The following TEAD4 variants were observed in gnomAD, a reference collection of about 807,000 sequenced individuals.
TEAD4 encodes the protein transcriptional enhancer factor TEF-3.
Under a neutral mutation model 52.4 loss-of-function variants are expected in TEAD4, and 36 were observed. The observed-to-expected ratio is 0.69, with a 90% CI of 0.53 to 0.91. The LOEUF (loss-of-function observed/expected upper bound fraction) is 0.91. Ranked by LOEUF, TEAD4 falls within the 40% of genes least tolerant of loss-of-function variation. The pLI is 0.00. For synonymous variants in TEAD4, 220 were observed against 231.0 expected (o/e 0.95, Z 0.43); for missense variants, 508 against 583.9 (o/e 0.87, Z 1.34).
At chr12:3,010,967 CCTT>C (rs2098259825) in intron 3 of TEAD4, 34 bp from the exon 4 acceptor site, 4 of 1,613,244 alleles carry the variant, frequency 2.5e-6, no homozygotes, top group Non-Finnish European at 3.4e-6. Flanking sequence ...AGCCTTTTGT[CCTT>C]CTCTCCACTG....
chr12:3,039,311 A>G (rs1429027648), intron 11 of TEAD4, among the ~76,000 whole-genome samples: 2 of 152,200 alleles, frequency 1.3e-5, no homozygotes, highest in African/African-American at 4.8e-5. Context: ...TGGTGGATCC[A>G]CTTGGGCTCA....
rs115063729 is a variant in TEAD4, at chr12:3,038,584, G to A, written c.1038+476G>A. Reference sequence around the variant, plus strand: ...TCCTTCCCTGATTTTCTGCTTATGGGTACCCTGGAGACCCTGCTCTAATGG... The same window carrying A: ...TCCTTCCCTGATTTTCTGCTTATGGATACCCTGGAGACCCTGCTCTAATGG... On this transcript the variant is annotated intron_variant, in intron 11 of 12. Coordinates refer to ENST00000359864, the MANE Select transcript of TEAD4 (RefSeq NM_003213.4). Among the ~76,000 whole-genome samples, 513 of 152,300 alleles carry A rather than the reference G, an allele frequency of 3.4e-3. 4 individuals are homozygous for A. The highest frequency in any genetic ancestry group is 0.012 in the African/African-American group (502 of 41,546).
chr12:2,975,149 G>A (rs573766874), intron 2 of TEAD4, among the ~76,000 whole-genome samples: 191 of 141,556 alleles, frequency 1.3e-3, no homozygotes, highest in Admixed American at 2.4e-3. Flanking sequence ...AGGCCCCGAG[G>A]AGAAAAAGTC....
At chr12:2,990,994 A>G (rs1262912230) in intron 2 of TEAD4, among the ~76,000 whole-genome samples, 6 of 152,124 alleles carry the variant, frequency 3.9e-5, no homozygotes, top group Non-Finnish European at 8.8e-5. Flanking sequence ...AGACCAGCCT[A>G]GGCAACCTAG....
intron 3 of TEAD4, among the ~76,000 whole-genome samples, chr12:2,998,441 G>A (rs2098249027): frequency 6.6e-6 from 1 of 151,284 alleles, no homozygotes; most frequent in Non-Finnish European, 1.5e-5. Context: ...GAAGCAGACT[G>A]AAAATGGTTT....
chr12:2,980,296 G>C (rs2098233096), intron 2 of TEAD4, among the ~76,000 whole-genome samples: 1 of 152,122 alleles, frequency 6.6e-6, no homozygotes, highest in African/African-American at 2.4e-5. Flanking sequence ...GAGACCAAGA[G>C]GTCTTCGTGT....
intron 5 of TEAD4, among the ~76,000 whole-genome samples, chr12:3,014,598 G>A (rs911938944): frequency 6.6e-6 from 1 of 152,190 alleles, no homozygotes; most frequent in Non-Finnish European, 1.5e-5. Context: ...TCTGCCCCGT[G>A]GCCGTGAGTG....
chr12:3,014,901 C>T (rs563734722), intron 5 of TEAD4, among the ~76,000 whole-genome samples: 96 of 152,320 alleles, frequency 6.3e-4, no homozygotes, highest in African/African-American at 1.9e-3. Flanking sequence ...TGTTAAGTGC[C>T]GAGGTCTTCG....
At chr12:2,975,937 T>C (rs1171150638) in intron 2 of TEAD4, among the ~76,000 whole-genome samples, 1 of 152,174 alleles carries the variant, frequency 6.6e-6, no homozygotes, top group Non-Finnish European at 1.5e-5. Flanking sequence ...ATACACTATG[T>C]GGCCTTTTCA....
intron 9 of TEAD4, 81 bp from the exon 10 acceptor site, chr12:3,021,763 G>C: frequency 1.3e-6 from 2 of 1,499,138 alleles, no homozygotes; most frequent in African/African-American, 1.4e-5. Flanking sequence ...ACCAGGTCAC[G>C]TGGTGGGCAC....
intron 2 of TEAD4, among the ~76,000 whole-genome samples, chr12:2,967,775 T>A (rs1402974092): frequency 6.6e-6 from 1 of 152,184 alleles, no homozygotes; most frequent in Non-Finnish European, 1.5e-5. Context: ...TTTGTTTTTG[T>A]TTTGTTTTTC....
intron 5 of TEAD4, among the ~76,000 whole-genome samples, chr12:3,015,777 T>G (rs1044601264): frequency 7.9e-5 from 12 of 151,558 alleles, no homozygotes; most frequent in Non-Finnish European, 1.5e-5. Context: ...TGCCTCAGCC[T>G]CCCAAGTAGT....
At chr12:3,006,004 T>C (rs1316245207) in intron 3 of TEAD4, among the ~76,000 whole-genome samples, 2 of 152,188 alleles carry the variant, frequency 1.3e-5, no homozygotes, top group African/African-American at 4.8e-5. Flanking sequence ...ACGTATTGCA[T>C]TTTTCATAAG....
intron 6 of TEAD4, 33 bp from the exon 7 acceptor site, chr12:3,018,512 G>A (rs2098266255): frequency 6.2e-7 from 1 of 1,613,968 alleles, no homozygotes; most frequent in Non-Finnish European, 8.5e-7. Flanking sequence ...TGCACCTGGG[G>A]CCGTGCTGAT....
intron 10 of TEAD4, among the ~76,000 whole-genome samples, chr12:3,032,273 A>G (rs10161430): frequency 0.94 from 143,715 of 152,238 alleles, 68,398 homozygotes; most frequent in East Asian, 1. Flanking sequence ...CTGGTGCCAA[A>G]GACATGGGAT....
At chr12:2,962,301 A>AATATAAAT (rs1555118306) in intron 2 of TEAD4, among the ~76,000 whole-genome samples, 3 of 29,604 alleles carry the variant, frequency 1.0e-4, no homozygotes, top group East Asian at 1.7e-3. Flanking sequence ...TATATATATA[A>AATATAAAT]ATATAAATAT....
At chr12:3,010,176 C>G (rs1026562719) in intron 3 of TEAD4, among the ~76,000 whole-genome samples, 1 of 152,252 alleles carries the variant, frequency 6.6e-6, no homozygotes, top group Admixed American at 6.5e-5. Flanking sequence ...AACTGGCCCC[C>G]GGTCCTCTGA....
At chr12:3,004,331 C>T (rs1468905269) in intron 3 of TEAD4, among the ~76,000 whole-genome samples, 1 of 152,238 alleles carries the variant, frequency 6.6e-6, no homozygotes, top group Admixed American at 6.5e-5. Context: ...GGAAAACATA[C>T]CTTCTCGTGG....
At chr12:2,971,631 A>G (rs1208194193) in intron 2 of TEAD4, among the ~76,000 whole-genome samples, 1 of 149,448 alleles carries the variant, frequency 6.7e-6, no homozygotes, top group East Asian at 2.0e-4. Flanking sequence ...ACCCCCCACC[A>G]CACCTGGCTA....
Sources: allele counts gnomAD v4.1 joint callset (sites outside exome capture counted in the v4.1 genomes callset), GRCh38; gene constraint gnomAD v4.1.1; transcripts MANE v1.5; gene names NCBI Gene and HGNC (gene_info 2026-07-23, HGNC 2026-07-21).